The following SAMD5 variants were observed in gnomAD, a reference collection of about 807,000 sequenced individuals.
SAMD5 encodes the protein sterile alpha motif domain-containing protein 5.
In SAMD5, 13 loss-of-function variants were observed where a neutral mutation model predicts 11.3. That is an observed-to-expected ratio of 1.15 (90% confidence interval 0.75 to 1.83). The LOEUF (loss-of-function observed/expected upper bound fraction) is 1.83, where lower values mean the gene tolerates loss of function less well. Ranked by LOEUF, SAMD5 falls within the 40% of genes most tolerant of loss-of-function variation. The pLI is 0.00. For missense variants in SAMD5, 255 were observed against 239.1 expected (o/e 1.07, Z -0.44); for synonymous variants, 129 against 111.3 (o/e 1.16, Z -1.00).
At chr6:147,714,099 C>T (rs757254744) in intron 1 of SAMD5, among the ~76,000 whole-genome samples, 1 of 152,136 alleles carries the variant, frequency 6.6e-6, no homozygotes, top group African/African-American at 2.4e-5. Flanking sequence ...CACCTTCGCC[C>T]ACTGAGATTG....
intron 1 of SAMD5, among the ~76,000 whole-genome samples, chr6:147,705,951 T>A (rs1221123559): frequency 6.6e-6 from 1 of 152,226 alleles, no homozygotes; most frequent in African/African-American, 2.4e-5. Context: ...CCACTGGATA[T>A]AATCCCATCC....
intron 1 of SAMD5, among the ~76,000 whole-genome samples, chr6:147,716,212 C>T (rs1393347659): frequency 2.6e-5 from 4 of 152,178 alleles, no homozygotes; most frequent in Non-Finnish European, 5.9e-5. Context: ...CTCGTCACCC[C>T]CCAAAGTCCA....
At chr6:147,831,956 G>T in the SAMD5 span, among the ~76,000 whole-genome samples, 1 of 151,896 alleles carries the variant, frequency 6.6e-6, no homozygotes, top group Non-Finnish European at 1.5e-5. Flanking sequence ...TAAAAGAAAT[G>T]ATCTTACACC....
chr6:147,713,751 T>A (rs117388866), intron 1 of SAMD5, among the ~76,000 whole-genome samples: 6 of 152,050 alleles, frequency 3.9e-5, no homozygotes, highest in African/African-American at 1.4e-4. Context: ...TCTTTATCTT[T>A]CCAAGCAAAA....
intron 1 of SAMD5, among the ~76,000 whole-genome samples, chr6:147,612,924 C>T (rs1789807090): frequency 6.6e-6 from 1 of 152,104 alleles, no homozygotes; most frequent in African/African-American, 2.4e-5. Context: ...TTTGGTTGGG[C>T]ATGGTGGCTC....
chr6:147,778,253 A>G, the SAMD5 span, among the ~76,000 whole-genome samples: 6 of 151,840 alleles, frequency 4.0e-5, no homozygotes, highest in South Asian at 4.2e-4. Flanking sequence ...TCCCTTTCCC[A>G]TCTATTTCTA....
the SAMD5 span, among the ~76,000 whole-genome samples, chr6:147,891,840 C>A: frequency 6.6e-6 from 1 of 151,840 alleles, no homozygotes; most frequent in African/African-American, 2.4e-5. Context: ...TGGTATGAAC[C>A]TGTGGCCAGA....
intron 1 of SAMD5, among the ~76,000 whole-genome samples, chr6:147,654,976 C>G (rs1790544692): frequency 6.6e-6 from 1 of 152,136 alleles, no homozygotes; most frequent in Non-Finnish European, 1.5e-5. Flanking sequence ...TGATCAGGAC[C>G]ATGAGTGATG....
At chr6:147,684,483 G>A (rs1790981931) in intron 1 of SAMD5, among the ~76,000 whole-genome samples, 1 of 152,068 alleles carries the variant, frequency 6.6e-6, no homozygotes, top group Non-Finnish European at 1.5e-5. Flanking sequence ...GTTGGGCTGG[G>A]TCATAGAGTC....
chr6:147,848,208 A>G, the SAMD5 span, among the ~76,000 whole-genome samples: 1 of 152,150 alleles, frequency 6.6e-6, no homozygotes, highest in Non-Finnish European at 1.5e-5. Flanking sequence ...TGGATCAAAA[A>G]CTCGACAAAT....
intron 1 of SAMD5, among the ~76,000 whole-genome samples, chr6:147,629,503 T>C (rs1554238327): frequency 1.3e-5 from 2 of 152,170 alleles, no homozygotes; most frequent in Non-Finnish European, 2.9e-5. Context: ...ACATGCAGGA[T>C]ATAATTCAGC....
chr6:147,673,693 C>T (rs2128455729), intron 1 of SAMD5, among the ~76,000 whole-genome samples: 1 of 151,684 alleles, frequency 6.6e-6, no homozygotes, highest in African/African-American at 2.4e-5. Flanking sequence ...TGTATCAAAT[C>T]CATGAAAAAT....
chr6:147,817,132 G>A, the SAMD5 span, among the ~76,000 whole-genome samples: 1 of 152,074 alleles, frequency 6.6e-6, no homozygotes, highest in African/African-American at 2.4e-5. Context: ...ATCATCATCA[G>A]ACTTAAATGT....
At chr6:147,540,186 AC>A in intron 1 of SAMD5, among the ~76,000 whole-genome samples, 1 of 152,228 alleles carries the variant, frequency 6.6e-6, no homozygotes, top group South Asian at 2.1e-4. Flanking sequence ...AGGGGGGAAA[AC>A]CTCAATAAAT....
At chr6:147,826,501 A>G in the SAMD5 span, among the ~76,000 whole-genome samples, 1 of 152,122 alleles carries the variant, frequency 6.6e-6, no homozygotes, top group Non-Finnish European at 1.5e-5. Context: ...TATTCTACTA[A>G]TGGTTCTTCA....
the SAMD5 span, among the ~76,000 whole-genome samples, chr6:147,933,381 C>T: frequency 2.0e-5 from 3 of 152,148 alleles, no homozygotes; most frequent in Non-Finnish European, 4.4e-5. Flanking sequence ...AAGAGAGACA[C>T]CCAATTAAGG....
At chr6:147,664,794 A>G (rs888059080) in intron 1 of SAMD5, among the ~76,000 whole-genome samples, 3 of 152,112 alleles carry the variant, frequency 2.0e-5, no homozygotes, top group East Asian at 1.9e-4. Context: ...AGTTTTTTGC[A>G]ACTAGAAAAA....
At chr6:147,610,765 G>C (rs1789771544) in intron 1 of SAMD5, among the ~76,000 whole-genome samples, 1 of 152,104 alleles carries the variant, frequency 6.6e-6, no homozygotes, top group Non-Finnish European at 1.5e-5. Flanking sequence ...GGTTGCAGGA[G>C]GTTTGATCAG....
At chr6:147,902,311 G>A in the SAMD5 span, among the ~76,000 whole-genome samples, 1 of 151,874 alleles carries the variant, frequency 6.6e-6, no homozygotes, top group Non-Finnish European at 1.5e-5. Flanking sequence ...CTGTTCCTAA[G>A]GCATAATGTG....
Sources: allele counts gnomAD v4.1 joint callset (sites outside exome capture counted in the v4.1 genomes callset), GRCh38; gene constraint gnomAD v4.1.1; transcripts MANE v1.5; gene names NCBI Gene and HGNC (gene_info 2026-07-23, HGNC 2026-07-21).